PPEF1: variants seen among roughly 807,000 people sequenced by gnomAD.
PPEF1 encodes the protein serine/threonine-protein phosphatase with EF-hands 1.
PPEF1 carries 12 observed loss-of-function variants against 53.3 expected under a neutral mutation model. The observed-to-expected ratio is 0.23, with a 90% CI of 0.14 to 0.36. PPEF1 has a LOEUF of 0.36. Among genes scored for constraint, PPEF1 ranks in the 10% least tolerant of loss-of-function variants. The pLI is 1.00. For synonymous variants in PPEF1, 165 were observed against 176.7 expected (o/e 0.93, Z 0.52); for missense variants, 334 against 490.4 (o/e 0.68, Z 3.01).
chrX:18,824,163 C>T (rs968711029), intron 14 of PPEF1, 77 bp downstream of exon 14: 16 of 1,005,630 alleles, frequency 1.6e-5, no homozygotes, highest in Admixed American at 2.8e-5. Context: ...TGGGAGTGGC[C>T]GGGCACAGTG....
intron 6 of PPEF1, among the ~76,000 whole-genome samples, chrX:18,762,033 C>T (rs184355412): frequency 1.8e-4 from 20 of 111,746 alleles, no homozygotes; most frequent in African/African-American, 5.5e-4. Flanking sequence ...TCCCCTGATT[C>T]GCCATCCATG....
intron 5 of PPEF1, among the ~76,000 whole-genome samples, chrX:18,760,135 C>T (rs1023395486): frequency 6.3e-5 from 7 of 110,772 alleles, no homozygotes; most frequent in East Asian, 2.8e-4. Context: ...TACAGGTGCA[C>T]GCCACGACAC....
At chrX:18,732,362 C>G (rs186180818) in intron 2 of PPEF1, among the ~76,000 whole-genome samples, 5 of 112,043 alleles carry the variant, frequency 4.5e-5, no homozygotes, top group African/African-American at 1.6e-4. Context: ...TTTCAGTTCT[C>G]TTGGGTATAG....
intron 9 of PPEF1, among the ~76,000 whole-genome samples, chrX:18,785,382 T>G (rs1366442092): frequency 9.0e-6 from 1 of 111,585 alleles, no homozygotes; most frequent in African/African-American, 3.3e-5. Context: ...TAATAGTCAC[T>G]GACTATCTCT....
At chrX:18,733,070 G>T (rs2044875287) in intron 2 of PPEF1, among the ~76,000 whole-genome samples, 1 of 111,274 alleles carries the variant, frequency 9.0e-6, no homozygotes, top group Non-Finnish European at 1.9e-5. Context: ...GCTGGACATG[G>T]TGGCGAGTGC....
At chrX:18,806,329 C>T in intron 11 of PPEF1, 74 bp from the exon 12 acceptor site, 1 of 1,040,256 alleles carries the variant, frequency 9.6e-7, no homozygotes. Context: ...AAGAATTGAG[C>T]TATTTCTGAC....
chrX:18,675,088 A>C (rs935367055), upstream of PPEF1, among the ~76,000 whole-genome samples: 13 of 111,907 alleles, frequency 1.2e-4, no homozygotes, highest in Non-Finnish European at 2.1e-4. Context: ...CGAGGCGAGG[A>C]GTTTGCGGCG....
chrX:18,712,898 A>T (rs1188591301), intron 1 of PPEF1, among the ~76,000 whole-genome samples: 1 of 111,934 alleles, frequency 8.9e-6, no homozygotes, highest in African/African-American at 3.2e-5. Context: ...TTATTTTATG[A>T]TATGGCATAT....
At chrX:18,721,406 G>T (rs1164356379) in intron 1 of PPEF1, among the ~76,000 whole-genome samples, 1 of 111,796 alleles carries the variant, frequency 8.9e-6, no homozygotes, top group Non-Finnish European at 1.9e-5. Flanking sequence ...GAAGTTTCTG[G>T]TTTGAGTGTT....
chrX:18,731,467 A>G (rs1448452324), intron 2 of PPEF1, among the ~76,000 whole-genome samples: 4 of 112,590 alleles, frequency 3.6e-5, no homozygotes, highest in Non-Finnish European at 5.6e-5. Flanking sequence ...CCCTTTGTCT[A>G]GATTAGGAAC....
At chrX:18,684,076 T>C (rs182271516) in intron 1 of PPEF1, among the ~76,000 whole-genome samples, 1,225 of 112,201 alleles carry the variant, frequency 0.011, 17 homozygotes, top group African/African-American at 0.038. Context: ...CTTTAATTTG[T>C]CCCCCAGCTA....
chrX:18,720,591 C>T (rs2044568262), intron 1 of PPEF1, among the ~76,000 whole-genome samples: 1 of 100,237 alleles, frequency 1.0e-5, no homozygotes, highest in African/African-American at 3.6e-5. Context: ...GACTCCGTCT[C>T]AAAAAAAAAA....
intron 3 of PPEF1, among the ~76,000 whole-genome samples, chrX:18,739,468 A>C (rs2045087908): frequency 1.8e-5 from 2 of 111,902 alleles, no homozygotes; most frequent in South Asian, 7.5e-4. Context: ...AGAACGGCAA[A>C]TGTTGCTGCC....
intron 2 of PPEF1, among the ~76,000 whole-genome samples, chrX:18,685,790 A>G (rs1228320122): frequency 8.1e-5 from 9 of 111,060 alleles, no homozygotes; most frequent in Non-Finnish European, 1.5e-4. Flanking sequence ...TATTAGTCAT[A>G]CATTTCTAGC....
chrX:18,678,735 C>T (rs774576968), upstream of PPEF1, among the ~76,000 whole-genome samples: 1 of 111,534 alleles, frequency 9.0e-6, no homozygotes, highest in South Asian at 3.8e-4. Context: ...TTTTAGGATG[C>T]GGACCTCTCG....
At position 18,736,761 on chromosome X, in the gene PPEF1, T is replaced by G. The variant is rs867820959; in HGVS notation, c.235+2953T>G. 7.1e-4 allele frequency among the ~76,000 whole-genome samples: 80 copies of G among 112,307 alleles called. 1 individual carries two copies. The highest frequency in any genetic ancestry group is 6.4e-3 in the Admixed American group (68 of 10,558). ...TCGGCTGTGAATCTGTCTGGTCCTG[T>G]ACTTTTTTTGGTTGGTAGGCTATTA... On this transcript the variant is annotated intron_variant, in intron 3 of 15. Coordinates refer to ENST00000470157, the MANE Select transcript of PPEF1 (RefSeq NM_001377996.1).
chrX:18,787,687 A>C (rs1263922622), intron 9 of PPEF1, among the ~76,000 whole-genome samples: 1 of 108,038 alleles, frequency 9.3e-6, no homozygotes, highest in Admixed American at 1.0e-4. Flanking sequence ...TGGGAGGCCG[A>C]AGTGAGACGA....
At chrX:18,679,699 C>G (rs1347208611), upstream of PPEF1, among the ~76,000 whole-genome samples, 1 of 111,468 alleles carries the variant, frequency 9.0e-6, no homozygotes, top group African/African-American at 3.3e-5. Flanking sequence ...CAGATTAGCT[C>G]TCATCATTCT....
At chrX:18,699,333 CT>C (rs1266781917) in intron 5 of PPEF1, among the ~76,000 whole-genome samples, 2 of 111,438 alleles carry the variant, frequency 1.8e-5, no homozygotes, top group Non-Finnish European at 3.8e-5. Context: ...TCCCGTGGCT[CT>C]CAATTGCAGA....
Sources: gnomAD v4.1 joint callset for allele counts (sites outside exome capture counted in the v4.1 genomes callset) on GRCh38, gnomAD v4.1.1 for gene constraint, MANE v1.5 for transcripts, NCBI Gene and HGNC (gene_info 2026-07-23, HGNC 2026-07-21) for gene names.